NBPF14: variants seen among roughly 807,000 people sequenced by gnomAD.
NBPF14 encodes the protein NBPF family member NBPF14.
NBPF14 carries 104 observed loss-of-function variants against 91.2 expected under a neutral mutation model. That is an observed-to-expected ratio of 1.14 (90% CI 0.97 to 1.34). The LOEUF (loss-of-function observed/expected upper bound fraction) is 1.34, where lower values mean the gene tolerates loss of function less well. NBPF14 is among the 40% of genes most tolerant of loss of function. The pLI, the probability that NBPF14 is intolerant of heterozygous loss-of-function variation, is 0.00. For synonymous variants in NBPF14, 294 were observed against 303.8 expected, an observed-to-expected ratio of 0.97 and a Z score of 0.34; for missense variants, 908 against 783.0, an observed-to-expected ratio of 1.16 and a Z score of -1.91.
intron 59 of NBPF14, among the ~76,000 whole-genome samples, chr1:148,542,050 A>G (rs1198544801): frequency 2.3e-5 from 2 of 85,362 alleles, no homozygotes; most frequent in Non-Finnish European, 3.9e-5. Flanking sequence ...TCCCTATTCT[A>G]GTAGATCGTT....
Position 148,589,891 on chromosome 1 carries a change from C to A in NBPF14, c.779-498G>T, listed in dbSNP as rs1312467649. On this transcript the variant is annotated intron_variant, in intron 6 of 70. Coordinates refer to ENST00000619423, the Ensembl canonical transcript of NBPF14. The stretch of plus-strand genomic sequence containing the variant: ...GGGATTACAAGCGCCAAGTAACATG[C>A]CAGCTAATTTTTGTATTCTTAGTAG... Among the ~76,000 whole-genome samples, 15 of 147,954 alleles carry A rather than the reference C, an allele frequency of 1.0e-4. 1 individual carries two copies. Among genetic ancestry groups the A allele is most frequent in the South Asian group, 6.6e-4 (3 of 4,536 alleles).
At chr1:148,566,274 A>G in exon 29 of NBPF14, 1 of 664,132 alleles carries the variant, frequency 1.5e-6, no homozygotes. Context: ...TGAGTCCTGC[A>G]AGACTTCAGG....
intron 68 of NBPF14, among the ~76,000 whole-genome samples, chr1:148,535,155 C>A (rs1294273026): frequency 6.3e-4 from 94 of 148,960 alleles, no homozygotes; most frequent in African/African-American, 2.3e-3. Flanking sequence ...TCGGGACACA[C>A]AGCGAACAGT....
Position 148,559,618 on chromosome 1 carries a change from C to T in NBPF14, c.4729+175G>A, listed in dbSNP as rs1430328829. ...AGGAAGAGAGCCTTGCTCACTGACC[C>T]ATCCCTTGTCTGGGCTTCCAAGTGG... On this transcript the variant is annotated intron_variant, in intron 37 of 70. Transcript: ENST00000619423. Among the ~76,000 whole-genome samples, 8 of 125,014 alleles carry T rather than the reference C, an allele frequency of 6.4e-5. 2 individuals carry two copies. Among genetic ancestry groups the T allele is most frequent in the African/African-American group, 8.4e-5 (2 of 23,744 alleles). The allele number at this position is 125,014 out of a possible 152,430, so 82.0% of individuals were successfully genotyped here.
intron 2 of NBPF14, among the ~76,000 whole-genome samples, 182 bp from the exon 3 acceptor site, chr1:148,593,882 A>G (rs1344255018): frequency 6.7e-6 from 1 of 149,678 alleles, no homozygotes; most frequent in Non-Finnish European, 1.5e-5. Flanking sequence ...GATCCTCCAA[A>G]ATTTAAAGAC....
intron 67 of NBPF14, among the ~76,000 whole-genome samples, chr1:148,536,021 A>T (rs1655137940): frequency 1.3e-5 from 2 of 150,264 alleles, no homozygotes; most frequent in Admixed American, 1.3e-4. Flanking sequence ...ATGGCCTGAG[A>T]CTAGGAAGAG....
Position 148,559,414 on chromosome 1 carries a change from A to T in NBPF14, c.4730-342T>A, listed in dbSNP as rs1412068613. ...AAAACTGCACTATTCACCCTGTCTC[A>T]TCAAATACTCAGATTGTTCATGGTA... On this transcript the variant is annotated intron_variant, in intron 37 of 70. Coordinates refer to ENST00000619423, the Ensembl canonical transcript of NBPF14. Among the ~76,000 whole-genome samples, 2 of 134,168 alleles carry T rather than the reference A, an allele frequency of 1.5e-5. 1 individual carries two copies. Among genetic ancestry groups the T allele is most frequent in the African/African-American group, 7.1e-5 (2 of 28,252 alleles). 88.0% of individuals were successfully genotyped at this position (134,168 alleles called of 152,430 possible).
At chr1:148,560,179 G>T (rs1657531761) in intron 36 of NBPF14, among the ~76,000 whole-genome samples, 1 of 151,350 alleles carries the variant, frequency 6.6e-6, no homozygotes, top group African/African-American at 2.5e-5. Flanking sequence ...CAGAGACAGA[G>T]ACAGAGACAG....
intron 68 of NBPF14, among the ~76,000 whole-genome samples, 190 bp from the exon 69 acceptor site, chr1:148,535,046 CAG>C (rs1364072484): frequency 6.8e-6 from 1 of 146,732 alleles, no homozygotes; most frequent in Non-Finnish European, 1.5e-5. Context: ...AAGAGAAAGA[CAG>C]GGAGAGGGAG....
At chr1:148,579,860 A>G (rs1233195301) in intron 12 of NBPF14, among the ~76,000 whole-genome samples, 1 of 152,194 alleles carries the variant, frequency 6.6e-6, no homozygotes, top group Non-Finnish European at 1.5e-5. Context: ...GAGGGACCTG[A>G]CTGTTACAAG....
chr1:148,539,253 A>T (rs1430782089), intron 63 of NBPF14, among the ~76,000 whole-genome samples, 157 bp downstream of exon 63: 1 of 114,596 alleles, frequency 8.7e-6, no homozygotes, highest in Non-Finnish European at 1.7e-5. Context: ...CTAGGCTTCC[A>T]ACTGAGACTA....
chr1:148,560,146 A>C (rs1223852711), intron 36 of NBPF14, among the ~76,000 whole-genome samples, 181 bp from the exon 37 acceptor site: 4 of 151,208 alleles, frequency 2.6e-5, no homozygotes, highest in African/African-American at 7.4e-5. Flanking sequence ...AAACAATGAA[A>C]GAGAAAGACA....
intron 5 of NBPF14, among the ~76,000 whole-genome samples, chr1:148,591,214 G>A (rs1662412274): frequency 6.8e-6 from 1 of 147,848 alleles, no homozygotes; most frequent in Non-Finnish European, 1.5e-5. Flanking sequence ...TGAGGAGGAT[G>A]AAGACTCAGC....
chr1:148,533,812 C>A (rs1386637389), intron 70 of NBPF14, 49 bp downstream of exon 70: 13 of 767,480 alleles, frequency 1.7e-5, no homozygotes, highest in Non-Finnish European at 2.6e-5. Context: ...GAATCTGTTG[C>A]CTCCAGGAGT....
intron 12 of NBPF14, among the ~76,000 whole-genome samples, chr1:148,579,847 G>A (rs1484950408): frequency 3.9e-5 from 6 of 152,256 alleles, no homozygotes; most frequent in African/African-American, 1.4e-4. Context: ...CAGACCTGAA[G>A]CTGAGGGACC....
intron 28 of NBPF14, 135 bp from the exon 29 acceptor site, chr1:148,566,450 G>C (rs1176271383): frequency 1.7e-6 from 1 of 594,160 alleles, no homozygotes; most frequent in African/African-American, 2.0e-5. Flanking sequence ...GTAACAAATT[G>C]TTGCCTTCAT....
At chr1:148,559,382 TA>T (rs1657200345) in intron 37 of NBPF14, among the ~76,000 whole-genome samples, 1 of 133,446 alleles carries the variant, frequency 7.5e-6, no homozygotes, top group Admixed American at 7.3e-5. Context: ...AAATGGTTGC[TA>T]GGAGAAAAAC....
chr1:148,533,480 G>C, intron 70 of NBPF14, among the ~76,000 whole-genome samples: 1 of 151,788 alleles, frequency 6.6e-6, no homozygotes, highest in African/African-American at 2.4e-5. Flanking sequence ...CAGAGAGAAA[G>C]TGACCTAGTG....
exon 29 of NBPF14, chr1:148,566,197 T>G (rs1658231741): frequency 1.8e-6 from 1 of 563,444 alleles, no homozygotes; most frequent in South Asian, 1.7e-5. Flanking sequence ...TAAAAGGAAC[T>G]TCCATAGGGC....
Sources: gnomAD v4.1 joint callset for allele counts (sites outside exome capture counted in the v4.1 genomes callset) on GRCh38, gnomAD v4.1.1 for gene constraint, MANE v1.5 for transcripts, NCBI Gene and HGNC (gene_info 2026-07-23, HGNC 2026-07-21) for gene names.